PRKG1: variants seen among roughly 807,000 people sequenced by gnomAD.
The protein encoded by PRKG1 is protein kinase cGMP-dependent 1.
PRKG1 carries 35 observed loss-of-function variants against 88.1 expected under a neutral mutation model. That is an observed-to-expected ratio of 0.40 (90% CI 0.30 to 0.53). PRKG1 has a LOEUF of 0.53. PRKG1 is among the 20% of genes least tolerant of loss of function. PRKG1 has a pLI of 0.59. For synonymous variants in PRKG1, 303 were observed against 292.5 expected, an observed-to-expected ratio of 1.04 and a Z score of -0.37; for missense variants, 540 against 839.8, an observed-to-expected ratio of 0.64 and a Z score of 4.41.
chr10:51,840,132 A>G (rs1016915437), intron 4 of PRKG1, among the ~76,000 whole-genome samples: 1 of 152,196 alleles, frequency 6.6e-6, no homozygotes, highest in Non-Finnish European at 1.5e-5. Flanking sequence ...TGATGAATTG[A>G]TATGTCTGTT....
chr10:52,110,633 GC>G (rs1274321119), intron 7 of PRKG1, among the ~76,000 whole-genome samples: 1 of 152,144 alleles, frequency 6.6e-6, no homozygotes, highest in African/African-American at 2.4e-5. Flanking sequence ...GCTTTTTAGA[GC>G]CGAGACATAG....
At chr10:51,878,536 GA>G (rs1208465395) in intron 4 of PRKG1, among the ~76,000 whole-genome samples, 3 of 152,064 alleles carry the variant, frequency 2.0e-5, no homozygotes, top group Non-Finnish European at 2.9e-5. Context: ...GGATCACTAA[GA>G]AAAAAAGTTT....
intron 5 of PRKG1, among the ~76,000 whole-genome samples, chr10:51,995,094 A>G (rs968198341): frequency 2.0e-5 from 3 of 152,202 alleles, no homozygotes; most frequent in Admixed American, 6.5e-5. Flanking sequence ...TTATGATCAC[A>G]TAAATAGTAA....
intron 2 of PRKG1, among the ~76,000 whole-genome samples, chr10:51,427,467 T>G (rs2132718696): frequency 6.6e-6 from 1 of 152,270 alleles, no homozygotes; most frequent in South Asian, 2.1e-4. Flanking sequence ...GGGTAGGATA[T>G]ATAGAATATC....
At chr10:51,322,153 G>T (rs1302496502) in intron 2 of PRKG1, among the ~76,000 whole-genome samples, 2 of 152,178 alleles carry the variant, frequency 1.3e-5, no homozygotes, top group Non-Finnish European at 2.9e-5. Context: ...ATCTGGAGAT[G>T]ATCTCAGCTG....
intron 10 of PRKG1, among the ~76,000 whole-genome samples, chr10:52,260,883 T>C (rs1841417915): frequency 6.6e-6 from 1 of 152,060 alleles, no homozygotes; most frequent in Admixed American, 6.6e-5. Context: ...TGAATGAAAA[T>C]GAATGAATAA....
intron 2 of PRKG1, among the ~76,000 whole-genome samples, chr10:51,236,129 G>A (rs1244997429): frequency 1.3e-5 from 2 of 152,104 alleles, no homozygotes; most frequent in Non-Finnish European, 2.9e-5. Flanking sequence ...TAGTTCCAGA[G>A]TATGACTTTT....
rs548850506 is a variant in PRKG1, at chr10:51,620,948, A to G, written c.592+153112A>G. 1.0e-3 allele frequency among the ~76,000 whole-genome samples: 152 copies of G among 149,892 alleles called. 3 individuals carry two copies. In the South Asian group the frequency reaches 0.022, roughly 22 times the overall value. ...CCACTGCAATTTCAAAGACTTATGCATTCAACTATTATGTTAAACTGATTC... is the reference window on the plus strand; with the variant it reads ...CCACTGCAATTTCAAAGACTTATGCGTTCAACTATTATGTTAAACTGATTC... On this transcript the variant is annotated intron_variant, in intron 3 of 17. Coordinates refer to ENST00000373980, the MANE Select transcript of PRKG1 (RefSeq NM_006258.4).
At chr10:51,256,331 T>G (rs1282416129) in intron 2 of PRKG1, among the ~76,000 whole-genome samples, 1 of 152,104 alleles carries the variant, frequency 6.6e-6, no homozygotes, top group Non-Finnish European at 1.5e-5. Context: ...AATAAGCAAA[T>G]AAATCCTGAG....
intron 2 of PRKG1, among the ~76,000 whole-genome samples, chr10:51,259,147 T>C (rs1431919664): frequency 6.6e-6 from 1 of 152,174 alleles, no homozygotes; most frequent in Non-Finnish European, 1.5e-5. Context: ...TGTACATGGG[T>C]GTGTTTCTAT....
intron 6 of PRKG1, among the ~76,000 whole-genome samples, 168 bp from the exon 7 acceptor site, chr10:52,062,369 C>T (rs541604849): frequency 1.3e-5 from 2 of 152,088 alleles, no homozygotes; most frequent in South Asian, 4.2e-4. Context: ...TGTGGTTTTC[C>T]TGGGAATTTG....
At chr10:51,369,328 C>G (rs951714963) in intron 2 of PRKG1, among the ~76,000 whole-genome samples, 2 of 152,026 alleles carry the variant, frequency 1.3e-5, no homozygotes, top group Non-Finnish European at 2.9e-5. Flanking sequence ...GGTGAAGGCC[C>G]ACTTCCTTGT....
In PRKG1 at chr10:51,043,187, CG is replaced by C. The variant is rs143484993; in HGVS notation, c.266+51547del. ...GACCTTGAGTGAGGGTACTGTCTTA[CG>C]GGGAGGGCAGGTCCTGAAGAGGGAC... On this transcript the variant is annotated intron_variant, in intron 1 of 17. Coordinates refer to the PRKG1 transcript ENST00000401604. 2.7e-3 allele frequency among the ~76,000 whole-genome samples: 414 copies of C among 152,206 alleles called. 1 individual carries two copies. The highest frequency in any genetic ancestry group is 9.3e-3 in the African/African-American group (386 of 41,532).
intron 3 of PRKG1, among the ~76,000 whole-genome samples, chr10:51,538,409 A>T (rs1842216044): frequency 3.4e-5 from 3 of 87,378 alleles, no homozygotes; most frequent in Non-Finnish European, 5.4e-5. Context: ...ATATACATAT[A>T]CATATAATAT....
intron 5 of PRKG1, among the ~76,000 whole-genome samples, chr10:51,989,243 T>C (rs1564741370): frequency 6.6e-6 from 1 of 152,106 alleles, no homozygotes; most frequent in African/African-American, 2.4e-5. Context: ...TGAAGCTAGA[T>C]GGGTCTTATT....
chr10:52,145,249 AT>A (rs1253683406), intron 8 of PRKG1, among the ~76,000 whole-genome samples: 1 of 152,132 alleles, frequency 6.6e-6, no homozygotes, highest in Non-Finnish European at 1.5e-5. Flanking sequence ...TAAATAATTC[AT>A]TTTTTTCCAG....
intron 3 of PRKG1, among the ~76,000 whole-genome samples, chr10:51,739,759 G>C (rs1837384524): frequency 6.6e-6 from 1 of 152,032 alleles, no homozygotes; most frequent in African/African-American, 2.4e-5. Context: ...AATCACTTGA[G>C]TTCAGGAGTT....
At chr10:51,915,607 T>G (rs1397190428) in intron 5 of PRKG1, among the ~76,000 whole-genome samples, 1 of 151,914 alleles carries the variant, frequency 6.6e-6, no homozygotes, top group African/African-American at 2.4e-5. Flanking sequence ...GAGAAGAGCT[T>G]AAGAAGTAAA....
At chr10:51,193,434 A>G (rs1837681467) in intron 2 of PRKG1, among the ~76,000 whole-genome samples, 1 of 151,960 alleles carries the variant, frequency 6.6e-6, no homozygotes, top group Non-Finnish European at 1.5e-5. Context: ...TAATAATGTT[A>G]AGAACCACTG....
Sources: allele counts gnomAD v4.1 joint callset (sites outside exome capture counted in the v4.1 genomes callset), GRCh38; gene constraint gnomAD v4.1.1; transcripts MANE v1.5; gene names NCBI Gene and HGNC (gene_info 2026-07-23, HGNC 2026-07-21).